Variants in HDAC9 observed in about 807,000 individuals in gnomAD.
HDAC9 encodes the protein MEF-2 interacting transcription repressor (MITR) protein.
Under a neutral mutation model 139.4 loss-of-function variants are expected in HDAC9, and 41 were observed. The observed-to-expected ratio is 0.29, with a 90% CI of 0.23 to 0.38. The LOEUF (loss-of-function observed/expected upper bound fraction) is 0.38. HDAC9 is among the 10% of genes least tolerant of loss of function. The pLI, the probability that HDAC9 is intolerant of heterozygous loss-of-function variation, is 1.00. For missense variants in HDAC9, 1,147 were observed against 1,297.0 expected (o/e 0.88, Z 1.78); for synonymous variants, 517 against 476.2 (o/e 1.09, Z -1.12).
chr7:18,243,437 G>A (rs959755721), intron 2 of HDAC9, among the ~76,000 whole-genome samples: 3 of 152,188 alleles, frequency 2.0e-5, no homozygotes, highest in Admixed American at 2.0e-4. Context: ...GTCCCTTACA[G>A]CTTTACCTGG....
At chr7:18,813,390 A>G (rs1794331311) in intron 17 of HDAC9, among the ~76,000 whole-genome samples, 1 of 152,234 alleles carries the variant, frequency 6.6e-6, no homozygotes, top group South Asian at 2.1e-4. Context: ...GGTTTTGCAC[A>G]TCCTTCTTCT....
intron 24 of HDAC9, among the ~76,000 whole-genome samples, chr7:18,974,795 A>C (rs1784453649): frequency 6.6e-6 from 1 of 152,222 alleles, no homozygotes; most frequent in South Asian, 2.1e-4. Context: ...ACAGAAATAA[A>C]GTCCTGAAAA....
chr7:18,210,402 A>G (rs551300964), intron 2 of HDAC9, among the ~76,000 whole-genome samples: 19 of 152,214 alleles, frequency 1.2e-4, no homozygotes, highest in Non-Finnish European at 2.5e-4. Context: ...AGGGTTTCCT[A>G]TTTCAGACAA....
At chr7:18,127,096 T>G (rs1392963026) in intron 1 of HDAC9, 1 of 165,870 alleles carries the variant, frequency 6.0e-6, no homozygotes, top group Non-Finnish European at 1.5e-5. Context: ...TTGCATAAGA[T>G]CATTGATAGA....
At chr7:18,970,215 T>C (rs1167905629) in intron 24 of HDAC9, among the ~76,000 whole-genome samples, 1 of 152,196 alleles carries the variant, frequency 6.6e-6, no homozygotes, top group African/African-American at 2.4e-5. Flanking sequence ...CAGTATATTG[T>C]ATCAGTGAGT....
At chr7:18,129,604 ATACTT>A (rs1348756908) in intron 1 of HDAC9, among the ~76,000 whole-genome samples, 2 of 152,208 alleles carry the variant, frequency 1.3e-5, no homozygotes, top group Non-Finnish European at 2.9e-5. Flanking sequence ...AGTTGATTAA[ATACTT>A]TACTGTCTTT....
At position 18,615,067 on chromosome 7, in the gene HDAC9, G is replaced by A. The variant is rs541546349; in HGVS notation, c.665-14283G>A. Among the ~76,000 whole-genome samples the A allele has an allele frequency of 2.6e-5, 4 of 152,274 alleles. No individual in the cohort carries two copies. In the South Asian group the frequency reaches 6.2e-4, roughly 24 times the overall value. On this transcript the variant is annotated intron_variant, in intron 6 of 25. Coordinates refer to ENST00000686413, the MANE Select transcript of HDAC9 (RefSeq NM_178425.4). ...AATAGCATTTCAATGGTTTTCCTCA[G>A]TGTCTTATTGAGTTATGGTGGGGCA...
At position 18,486,440 on chromosome 7, in the gene HDAC9, G is replaced by A. The variant is rs946889753; in HGVS notation, c.-41-9822G>A. On this transcript the variant is annotated intron_variant, in intron 1 of 3. Transcript: ENST00000413509. ...GGATCTCTTTAAAGCTGAAAAGACA[G>A]CCTTCAACTCGATGACAATGTAAGG... 5.9e-5 allele frequency among the ~76,000 whole-genome samples: 9 copies of A among 152,156 alleles called. No homozygotes were observed. The East Asian group carries it at 1.7e-3, about 29-fold the overall frequency.
At chr7:18,753,484 A>T (rs532641127) in intron 14 of HDAC9, among the ~76,000 whole-genome samples, 15 of 152,214 alleles carry the variant, frequency 9.9e-5, no homozygotes, top group Admixed American at 2.6e-4. Context: ...TGACCAGGAC[A>T]AAAAATAAGG....
At chr7:18,901,964 A>C (rs2129281446) in intron 22 of HDAC9, among the ~76,000 whole-genome samples, 1 of 152,278 alleles carries the variant, frequency 6.6e-6, no homozygotes, top group South Asian at 2.1e-4. Flanking sequence ...CTACCCTTTC[A>C]GGAACCCTGT....
At chr7:18,127,610 G>GA (rs1784749069) in intron 1 of HDAC9, among the ~76,000 whole-genome samples, 2 of 152,096 alleles carry the variant, frequency 1.3e-5, no homozygotes, top group South Asian at 4.1e-4. Flanking sequence ...GGATTAGCCT[G>GA]TTTGTCAGAG....
At chr7:18,178,612 C>G (rs1223048000) in intron 2 of HDAC9, among the ~76,000 whole-genome samples, 1 of 152,112 alleles carries the variant, frequency 6.6e-6, no homozygotes, top group Admixed American at 6.5e-5. Flanking sequence ...ACCTCTCTCC[C>G]AAAACAAATA....
chr7:18,757,629 G>A (rs765811760), intron 14 of HDAC9, among the ~76,000 whole-genome samples: 5 of 152,096 alleles, frequency 3.3e-5, no homozygotes, highest in Non-Finnish European at 5.9e-5. Flanking sequence ...AACTGATTAG[G>A]ACACTGGCCT....
chr7:18,346,884 G>T (rs1024152721), intron 1 of HDAC9, among the ~76,000 whole-genome samples: 3 of 152,124 alleles, frequency 2.0e-5, no homozygotes, highest in African/African-American at 7.2e-5. Context: ...TGAGGAAAGT[G>T]GAATAGCCAA....
At chr7:18,775,321 G>C (rs1212138469) in intron 16 of HDAC9, among the ~76,000 whole-genome samples, 1 of 152,032 alleles carries the variant, frequency 6.6e-6, no homozygotes, top group African/African-American at 2.4e-5. Flanking sequence ...CCATAGACTT[G>C]CTTAACTTGG....
chr7:18,178,324 A>T (rs982621622), intron 2 of HDAC9, among the ~76,000 whole-genome samples: 1 of 152,356 alleles, frequency 6.6e-6, no homozygotes, highest in South Asian at 2.1e-4. Context: ...ACCTCAGGCA[A>T]TCTGCATGCC....
intron 1 of HDAC9, among the ~76,000 whole-genome samples, chr7:18,379,639 C>A (rs900137425): frequency 1.3e-5 from 2 of 152,160 alleles, no homozygotes; most frequent in South Asian, 4.1e-4. Context: ...CTTAAGTATG[C>A]AATCCTTTTC....
chr7:18,989,672 C>G (rs1785697015), intron 25 of HDAC9, among the ~76,000 whole-genome samples: 1 of 150,294 alleles, frequency 6.7e-6, no homozygotes, highest in Non-Finnish European at 1.5e-5. Context: ...TCCATTCTCC[C>G]TGTCACTTTC....
At chr7:18,295,582 A>G (rs1466332821) in intron 1 of HDAC9, among the ~76,000 whole-genome samples, 4 of 152,164 alleles carry the variant, frequency 2.6e-5, no homozygotes, top group African/African-American at 4.8e-5. Context: ...ACTGTATGGT[A>G]TACAAGGAAG....
Sources: allele counts gnomAD v4.1 joint callset (sites outside exome capture counted in the v4.1 genomes callset), GRCh38; gene constraint gnomAD v4.1.1; transcripts MANE v1.5; gene names NCBI Gene and HGNC (gene_info 2026-07-23, HGNC 2026-07-21).